The following FAM151A variants were observed in gnomAD, a reference collection of about 807,000 sequenced individuals.
The protein encoded by FAM151A is protein FAM151A.
A neutral mutation model predicts 40.4 loss-of-function variants in FAM151A; 41 were observed. The ratio of observed to expected loss-of-function variants is 1.01; its 90% confidence interval spans 0.79 to 1.32. The LOEUF is 1.32. Ranked by LOEUF, FAM151A falls within the 40% of genes most tolerant of loss-of-function variation. The pLI is 0.00. For missense variants in FAM151A, 740 were observed against 740.4 expected (o/e 1.00, Z 0.01); for synonymous variants, 337 against 312.5 (o/e 1.08, Z -0.83).
In FAM151A at chr1:54,620,016, A is replaced by G; in HGVS notation, c.119-9T>C. 6.2e-7 allele frequency: 1 copy of G among 1,613,554 alleles called. No homozygotes were observed. The highest frequency in any genetic ancestry group is 8.5e-7 in the Non-Finnish European group (1 of 1,179,654). On this transcript the variant is annotated splice_polypyrimidine_tract_variant and intron_variant, in intron 1 of 7. Coordinates refer to ENST00000302250, the MANE Select transcript of FAM151A (RefSeq NM_176782.3). ...GGCCTCCAGCTCACAGCCTGGAAGG[A>G]ATCCCAAGGGGCTGTTAGCGTCTGT... is the stretch of plus-strand genomic sequence containing the variant.
At chr1:54,610,713 G>C (rs1386278796) in intron 6 of FAM151A, 158 bp from the exon 7 acceptor site, 1 of 979,896 alleles carries the variant, frequency 1.0e-6, no homozygotes, top group East Asian at 1.1e-4. Context: ...TAGACTAGAA[G>C]AAGTGACTTG....
In FAM151A at chr1:54,611,733, C is replaced by G. The variant is rs569041271; in HGVS notation, c.813G>C (p.Thr271=). 6.2e-7 allele frequency: 1 copy of G among 1,614,080 alleles called. No homozygotes were observed. Among genetic ancestry groups the G allele is most frequent in the South Asian group, 1.1e-5 (1 of 91,086 alleles). ...TGGGGTCCGAGGCAGCCTGCCACAG[C>G]GTCAGGCTGTACCTGGGGACACGAG... The part of the protein sequence containing the change: ...LLSQSERYSL[T]LWQAASDPMS... The change falls in exon 6 of 8, where the codon ACG becomes ACC. Residue 271 remains threonine (T), a synonymous_variant. Coordinates refer to ENST00000302250, the MANE Select transcript of FAM151A (RefSeq NM_176782.3).
chr1:54,613,752 T>C (rs1644142636), intron 4 of FAM151A, among the ~76,000 whole-genome samples: 1 of 152,224 alleles, frequency 6.6e-6, no homozygotes, highest in Admixed American at 6.5e-5. Flanking sequence ...AGACAGGTCA[T>C]ATTTATCTTG....
Position 54,609,315 on chromosome 1 carries a change from G to A in FAM151A, c.1711C>T (p.Pro571Ser), listed in dbSNP as rs1177278532. 6.2e-7 allele frequency: 1 copy of A among 1,612,574 alleles called. No homozygotes were observed. The highest frequency in any genetic ancestry group is 8.5e-7 in the Non-Finnish European group (1 of 1,178,902). ...VDRTRVYYRL[P>S]QGYHKDLLAH... is the part of the protein sequence containing the mutation. Reference sequence around the variant, plus strand: ...AGCAAGTCCTTGTGGTAGCCCTGGGGTAGCCTGTAGTAGACTCGGGTCCTG... The same window carrying A: ...AGCAAGTCCTTGTGGTAGCCCTGGGATAGCCTGTAGTAGACTCGGGTCCTG... The change falls in exon 8 of 8, where the codon CCC (proline) becomes TCC (serine). Residue 571 changes from proline to serine, a missense_variant. Physicochemically the swap from Pro to Ser is moderately conservative, Grantham distance 74 (BLOSUM62 -1). Coordinates refer to ENST00000302250, the MANE Select transcript of FAM151A (RefSeq NM_176782.3).
At chr1:54,610,038 T>C in intron 7 of FAM151A, 97 bp from the exon 8 acceptor site, 2 of 1,460,316 alleles carry the variant, frequency 1.4e-6, no homozygotes, top group East Asian at 2.4e-5. Flanking sequence ...TATGGGGTCA[T>C]CAAGGACCTT....
chr1:54,617,552 C>T (rs1569794863), intron 2 of FAM151A, among the ~76,000 whole-genome samples: 1 of 151,510 alleles, frequency 6.6e-6, no homozygotes, highest in African/African-American at 2.4e-5. Flanking sequence ...TCTGTACAAT[C>T]AGGGCCTGCC....
intron 1 of FAM151A, among the ~76,000 whole-genome samples, chr1:54,622,521 T>G (rs990329828): frequency 2.0e-5 from 3 of 151,360 alleles, no homozygotes; most frequent in African/African-American, 7.3e-5. Flanking sequence ...GAGGTTGCAG[T>G]GAGCCAAGAT....
intron 4 of FAM151A, 124 bp downstream of exon 4, chr1:54,614,576 C>G (rs1569787655): frequency 1.0e-6 from 1 of 970,400 alleles, no homozygotes; most frequent in East Asian, 2.8e-5. Context: ...TGCAAAGGCT[C>G]AGAGGTGAGG....
rs1644091779 is a variant in FAM151A at position 54,609,695 on chromosome 1, C to T, written c.1331G>A (p.Gly444Glu). ...LGLLHWPVWV[G>E]AKISHGSFSV... ...AAAACTCCCGTGGGAGATTTTGGCCCCAACCCACACAGGCCAATGCAAGAG... is the reference window on the plus strand; with the variant it reads ...AAAACTCCCGTGGGAGATTTTGGCCTCAACCCACACAGGCCAATGCAAGAG... Residue 444 changes from glycine to glutamate, a missense_variant, in exon 8 of 8, where the codon GGG becomes GAG. Physicochemically the swap from Gly to Glu is moderately conservative, Grantham distance 98. Coordinates refer to ENST00000302250, the MANE Select transcript of FAM151A (RefSeq NM_176782.3). 3.1e-6 allele frequency: 5 copies of T among 1,614,070 alleles called. No homozygotes were observed. In the Admixed American group the frequency reaches 8.3e-5, roughly 27 times the overall value.
intron 4 of FAM151A, among the ~76,000 whole-genome samples, chr1:54,613,870 G>T (rs1644144040): frequency 6.6e-6 from 1 of 152,128 alleles, no homozygotes; most frequent in African/African-American, 2.4e-5. Flanking sequence ...GAAAGAGCCT[G>T]GAGCTTAGAA....
chr1:54,617,174 C>T (rs1042978461), intron 2 of FAM151A, among the ~76,000 whole-genome samples: 6 of 152,168 alleles, frequency 3.9e-5, no homozygotes, highest in Non-Finnish European at 8.8e-5. Context: ...TTCCTGCCTT[C>T]AAGAATTCAG....
intron 4 of FAM151A, among the ~76,000 whole-genome samples, chr1:54,614,389 C>T (rs963515480): frequency 6.6e-6 from 1 of 151,062 alleles, no homozygotes; most frequent in Non-Finnish European, 1.5e-5. Flanking sequence ...AATCTATGAA[C>T]ACCCAGTGAC....
intron 4 of FAM151A, among the ~76,000 whole-genome samples, chr1:54,612,928 T>C (rs1275224332): frequency 6.6e-6 from 1 of 152,124 alleles, no homozygotes; most frequent in Non-Finnish European, 1.5e-5. Context: ...GATTCTGATC[T>C]TGGGCAGGTA....
At chr1:54,610,227 A>G (rs1472466760) in intron 7 of FAM151A, 185 bp downstream of exon 7, 12 of 1,438,724 alleles carry the variant, frequency 8.3e-6, no homozygotes, top group Non-Finnish European at 1.0e-5. Flanking sequence ...GAAGGCCAGG[A>G]GCCCTGTGCT....
chr1:54,610,682 A>G (rs889916148), intron 6 of FAM151A, 127 bp from the exon 7 acceptor site: 2 of 1,434,858 alleles, frequency 1.4e-6, no homozygotes, highest in Non-Finnish European at 1.8e-6. Context: ...CCTGCCAAGT[A>G]GCTCTCATTT....
intron 2 of FAM151A, among the ~76,000 whole-genome samples, chr1:54,617,455 TTC>T (rs924564641): frequency 1.4e-5 from 2 of 138,554 alleles, no homozygotes; most frequent in African/African-American, 5.8e-5. Context: ...TCATGTCACT[TTC>T]TGTTAAAAAA....
At chr1:54,621,160 CAA>C (rs55905389) in intron 1 of FAM151A, among the ~76,000 whole-genome samples, 7 of 107,930 alleles carry the variant, frequency 6.5e-5, no homozygotes, top group Admixed American at 3.0e-4. Flanking sequence ...GACACTGTCT[CAA>C]AAAAAAAAAA....
At chr1:54,612,880 G>A (rs1486926723) in intron 4 of FAM151A, among the ~76,000 whole-genome samples, 170 bp from the exon 5 acceptor site, 2 of 152,146 alleles carry the variant, frequency 1.3e-5, no homozygotes, top group Non-Finnish European at 2.9e-5. Context: ...TAAATTGGGC[G>A]TGGACTTTGG....
chr1:54,614,945 T>TGTGTGC (rs78332957), intron 3 of FAM151A, 86 bp from the exon 4 acceptor site: 23 of 1,296,690 alleles, frequency 1.8e-5, no homozygotes, highest in Middle Eastern at 3.8e-4. Context: ...AGCGGGTGTG[T>TGTGTGC]GTGTGTGTGC....
Sources: gnomAD v4.1 joint callset for allele counts (sites outside exome capture counted in the v4.1 genomes callset) on GRCh38, gnomAD v4.1.1 for gene constraint, MANE v1.5 for transcripts, NCBI Gene and HGNC (gene_info 2026-07-23, HGNC 2026-07-21) for gene names.